Variants in FOXP1 observed in about 807,000 individuals in gnomAD.
FOXP1 encodes the protein forkhead box P1.
Under a neutral mutation model 98.2 loss-of-function variants are expected in FOXP1, and 15 were observed. That is an observed-to-expected ratio of 0.15 (90% CI 0.10 to 0.24). The LOEUF (loss-of-function observed/expected upper bound fraction) is 0.24, where lower values mean the gene tolerates loss of function less well. Among genes scored for constraint, FOXP1 ranks in the 10% least tolerant of loss-of-function variants. The probability of loss-of-function intolerance (pLI) is 1.00; values close to 1 mark genes in which losing one functional copy is unlikely to be tolerated. For missense variants in FOXP1, 633 were observed against 848.5 expected (o/e 0.75, Z 3.15); for synonymous variants, 371 against 314.5 (o/e 1.18, Z -1.90).
At chr3:71,201,531 C>T (rs1353171619) in intron 5 of FOXP1, among the ~76,000 whole-genome samples, 2 of 152,056 alleles carry the variant, frequency 1.3e-5, no homozygotes, top group Non-Finnish European at 2.9e-5. Flanking sequence ...CCTGTAATCC[C>T]AGCTACTCGG....
At chr3:71,050,305 C>T (rs1436359268) in intron 9 of FOXP1, among the ~76,000 whole-genome samples, 2 of 152,124 alleles carry the variant, frequency 1.3e-5, no homozygotes, top group African/African-American at 4.8e-5. Context: ...CTTTCATGTT[C>T]TCCCAGCATG....
intron 7 of FOXP1, among the ~76,000 whole-genome samples, chr3:71,107,703 A>G (rs2057554814): frequency 6.6e-6 from 1 of 152,108 alleles, no homozygotes; most frequent in Admixed American, 6.5e-5. Context: ...AAACCATTCC[A>G]TTTCACTATC....
chr3:71,310,188 T>C (rs1272420223), intron 4 of FOXP1, among the ~76,000 whole-genome samples: 1 of 152,220 alleles, frequency 6.6e-6, no homozygotes, highest in Non-Finnish European at 1.5e-5. Context: ...GCCTGGTACA[T>C]GAAACCAGCA....
intron 11 of FOXP1, among the ~76,000 whole-genome samples, chr3:71,022,162 T>C (rs1010834836): frequency 7.9e-5 from 12 of 152,060 alleles, no homozygotes; most frequent in Non-Finnish European, 1.6e-4. Flanking sequence ...CCAAGTTCAT[T>C]TTTTTTAATG....
intron 5 of FOXP1, among the ~76,000 whole-genome samples, chr3:71,240,276 A>G (rs989765489): frequency 2.6e-5 from 4 of 152,228 alleles, no homozygotes; most frequent in Admixed American, 6.5e-5. Context: ...TTCACGATGT[A>G]GAAGAGTTTA....
intron 2 of FOXP1, chr3:71,572,799 T>TC (rs1312032303): frequency 6.6e-5 from 10 of 152,228 alleles, no homozygotes; most frequent in African/African-American, 2.4e-4. Flanking sequence ...ACATGGGTGC[T>TC]CACTGATTTA....
intron 3 of FOXP1, among the ~76,000 whole-genome samples, chr3:71,369,399 A>T (rs945290400): frequency 6.6e-6 from 1 of 152,146 alleles, no homozygotes; most frequent in Non-Finnish European, 1.5e-5. Flanking sequence ...CAAAAAAACA[A>T]AAAAACAAAA....
chr3:71,280,284 T>C (rs556242113), intron 5 of FOXP1, among the ~76,000 whole-genome samples: 1 of 151,962 alleles, frequency 6.6e-6, no homozygotes, highest in Non-Finnish European at 1.5e-5. Flanking sequence ...TTTTAACCTA[T>C]AATCAACACC....
intron 2 of FOXP1, among the ~76,000 whole-genome samples, chr3:71,521,440 T>A (rs1328317362): frequency 6.6e-6 from 1 of 150,630 alleles, no homozygotes; most frequent in Non-Finnish European, 1.5e-5. Flanking sequence ...GGCAGGAGAA[T>A]CGCTTGAGCC....
intron 5 of FOXP1, among the ~76,000 whole-genome samples, chr3:71,266,987 G>C (rs1397864611): frequency 6.6e-6 from 1 of 152,164 alleles, no homozygotes; most frequent in East Asian, 1.9e-4. Context: ...ACAGTGACAG[G>C]AGTGAATTTA....
intron 5 of FOXP1, among the ~76,000 whole-genome samples, chr3:71,222,735 T>G (rs1412588036): frequency 6.6e-6 from 1 of 152,220 alleles, no homozygotes; most frequent in Non-Finnish European, 1.5e-5. Flanking sequence ...TCGCTGTTGG[T>G]GTTCCTCAAG....
At chr3:71,211,355 A>G (rs2064445262) in intron 5 of FOXP1, among the ~76,000 whole-genome samples, 1 of 151,926 alleles carries the variant, frequency 6.6e-6, no homozygotes, top group African/African-American at 2.4e-5. Context: ...ACAGGGGTGT[A>G]CCACCAAAAC....
intron 3 of FOXP1, among the ~76,000 whole-genome samples, chr3:71,419,525 G>A (rs574765158): frequency 6.6e-6 from 1 of 151,950 alleles, no homozygotes; most frequent in Non-Finnish European, 1.5e-5. Context: ...CCTAACACCT[G>A]CTCTCAACAG....
chr3:71,208,580 G>A (rs2064225569), intron 5 of FOXP1, among the ~76,000 whole-genome samples: 2 of 148,624 alleles, frequency 1.3e-5, no homozygotes, highest in African/African-American at 5.1e-5. Context: ...AACAGACCTT[G>A]CAGGATAAAC....
At chr3:70,970,488 ACTG>A (rs1315756220) in intron 19 of FOXP1, 1 of 504,468 alleles carries the variant, frequency 2.0e-6, no homozygotes, top group Middle Eastern at 5.6e-4. Flanking sequence ...AAATTATGAT[ACTG>A]CTGATAAATA....
intron 2 of FOXP1, among the ~76,000 whole-genome samples, chr3:71,503,494 G>A (rs774193203): frequency 2.6e-5 from 4 of 151,894 alleles, no homozygotes; most frequent in South Asian, 2.1e-4. Flanking sequence ...TCAGATACCC[G>A]GGAGGTTGAG....
intron 2 of FOXP1, among the ~76,000 whole-genome samples, chr3:71,575,585 C>G (rs1384270426): frequency 1.3e-5 from 2 of 152,204 alleles, no homozygotes; most frequent in Non-Finnish European, 2.9e-5. Context: ...TGTGCTCACC[C>G]CCAGGAGGGG....
chr3:71,568,492 C>T (rs1160482497), intron 2 of FOXP1, among the ~76,000 whole-genome samples: 1 of 152,128 alleles, frequency 6.6e-6, no homozygotes. Flanking sequence ...ACAGAAAAGC[C>T]CCAAGCTCAG....
At chr3:71,533,298 C>A (rs1430028828) in intron 2 of FOXP1, among the ~76,000 whole-genome samples, 50 of 152,160 alleles carry the variant, frequency 3.3e-4, no homozygotes, top group Admixed American at 3.3e-3. Flanking sequence ...GCAAGACCAA[C>A]CCCTCCCTTT....
Sources: allele counts gnomAD v4.1 joint callset (sites outside exome capture counted in the v4.1 genomes callset), GRCh38; gene constraint gnomAD v4.1.1; transcripts MANE v1.5; gene names NCBI Gene and HGNC (gene_info 2026-07-23, HGNC 2026-07-21).